The following ADGRL3 variants were observed in gnomAD, a reference collection of about 807,000 sequenced individuals.
ADGRL3 encodes the protein adhesion G protein-coupled receptor L3, also known as calcium-independent alpha-latrotoxin receptor 3.
ADGRL3 carries 62 observed loss-of-function variants against 153.5 expected under a neutral mutation model. The observed-to-expected ratio is 0.40, with a 90% CI of 0.33 to 0.50. The LOEUF (loss-of-function observed/expected upper bound fraction) is 0.50. Ranked by LOEUF, ADGRL3 falls within the 20% of genes least tolerant of loss-of-function variation. The pLI is 0.47. For missense variants in ADGRL3, 1,641 were observed against 1,859.4 expected (o/e 0.88, Z 2.16); for synonymous variants, 710 against 672.5 (o/e 1.06, Z -0.86).
intron 5 of ADGRL3, among the ~76,000 whole-genome samples, chr4:61,625,329 T>C (rs2092767337): frequency 6.6e-6 from 1 of 152,056 alleles, no homozygotes. Flanking sequence ...ACATAATTGG[T>C]AGTATTTATT....
chr4:62,015,196 C>T (rs369727118), intron 21 of ADGRL3, among the ~76,000 whole-genome samples: 2 of 152,142 alleles, frequency 1.3e-5, no homozygotes, highest in Non-Finnish European at 2.9e-5. Context: ...TGCTGGTTTT[C>T]TCCACTACAT....
intron 2 of ADGRL3, among the ~76,000 whole-genome samples, chr4:61,457,897 G>GATAGATAGATAT (rs1304091102): frequency 2.0e-5 from 3 of 151,178 alleles, no homozygotes; most frequent in Non-Finnish European, 4.4e-5. Context: ...TAGATAGATA[G>GATAGATAGATAT]ATAGATGCAG....
chr4:61,269,352 A>G (rs1243803366), intron 1 of ADGRL3, among the ~76,000 whole-genome samples: 2 of 151,618 alleles, frequency 1.3e-5, no homozygotes, highest in Non-Finnish European at 3.0e-5. Flanking sequence ...TTTGAGAACA[A>G]TAGGTCTGAT....
chr4:61,413,551 G>A (rs1468407918), intron 2 of ADGRL3, among the ~76,000 whole-genome samples: 1 of 152,076 alleles, frequency 6.6e-6, no homozygotes, highest in African/African-American at 2.4e-5. Flanking sequence ...TGTGGGTGTG[G>A]GTGAGGCTAA....
At chr4:61,390,596 A>C (rs1344237871) in intron 2 of ADGRL3, among the ~76,000 whole-genome samples, 4 of 152,202 alleles carry the variant, frequency 2.6e-5, no homozygotes, top group Admixed American at 6.5e-5. Context: ...ATTTAAAATT[A>C]GTTATTGTAA....
intron 2 of ADGRL3, chr4:61,428,320 G>A (rs1378607505): frequency 2.6e-5 from 4 of 152,206 alleles, no homozygotes; most frequent in African/African-American, 7.2e-5. Flanking sequence ...CATAACTGTG[G>A]TTATATAATG....
At chr4:61,954,716 A>G (rs966674108) in intron 17 of ADGRL3, among the ~76,000 whole-genome samples, 2 of 151,906 alleles carry the variant, frequency 1.3e-5, no homozygotes, top group Non-Finnish European at 1.5e-5. Flanking sequence ...TCTCTTCTCA[A>G]CACTCCCCAT....
intron 2 of ADGRL3, among the ~76,000 whole-genome samples, chr4:61,456,368 GATATATCTATATATAT>G (rs2097737714): frequency 3.5e-5 from 4 of 113,160 alleles, no homozygotes; most frequent in Admixed American, 8.8e-5. Context: ...TAGAGATATA[GATATATCTATATATAT>G]ATATAGATAT....
At chr4:61,768,266 G>A (rs1338078004) in intron 8 of ADGRL3, among the ~76,000 whole-genome samples, 1 of 152,100 alleles carries the variant, frequency 6.6e-6, no homozygotes, top group Non-Finnish European at 1.5e-5. Flanking sequence ...TGTGAGGAGG[G>A]GAGGCAATAA....
intron 5 of ADGRL3, among the ~76,000 whole-genome samples, chr4:61,622,883 T>C (rs1181593377): frequency 6.6e-6 from 1 of 152,118 alleles, no homozygotes; most frequent in Non-Finnish European, 1.5e-5. Flanking sequence ...CCAAGTTTAG[T>C]CATATCATAA....
chr4:61,833,198 A>G (rs143076323), intron 9 of ADGRL3, among the ~76,000 whole-genome samples: 301 of 152,276 alleles, frequency 2.0e-3, no homozygotes, highest in African/African-American at 7.0e-3. Flanking sequence ...TACTGGCTGC[A>G]TGGAAATTTT....
At chr4:61,645,765 T>G (rs1580058414) in intron 5 of ADGRL3, among the ~76,000 whole-genome samples, 2 of 152,148 alleles carry the variant, frequency 1.3e-5, no homozygotes, top group East Asian at 3.9e-4. Context: ...TTATGTGTCT[T>G]GGAGTTGCTC....
intron 8 of ADGRL3, among the ~76,000 whole-genome samples, chr4:61,753,744 G>A (rs1218117578): frequency 6.6e-6 from 1 of 152,086 alleles, no homozygotes; most frequent in Non-Finnish European, 1.5e-5. Context: ...TTCTATCAAA[G>A]TAAGACTAAT....
At chr4:61,416,501 C>T (rs10517534) in intron 2 of ADGRL3, among the ~76,000 whole-genome samples, 5,642 of 152,156 alleles carry the variant, frequency 0.037, 123 homozygotes, top group South Asian at 0.086. Context: ...GAACATTAAA[C>T]TCAGCTAGTA....
At chr4:61,687,653 G>T (rs1273348323) in intron 6 of ADGRL3, among the ~76,000 whole-genome samples, 1 of 151,882 alleles carries the variant, frequency 6.6e-6, no homozygotes, top group African/African-American at 2.4e-5. Context: ...TTAGCATTTA[G>T]TAAATTTTAT....
chr4:61,335,957 C>T (rs995091048), intron 1 of ADGRL3, among the ~76,000 whole-genome samples: 2 of 152,032 alleles, frequency 1.3e-5, no homozygotes, highest in Non-Finnish European at 1.5e-5. Context: ...GCTGTGCTCT[C>T]ATAATTTTCA....
At chr4:61,392,649 G>A (rs2096823285) in intron 2 of ADGRL3, among the ~76,000 whole-genome samples, 1 of 112,304 alleles carries the variant, frequency 8.9e-6, no homozygotes, top group South Asian at 3.2e-4. Context: ...TTGCGCCACT[G>A]CGCTCCAGCC....
chr4:62,007,771 T>C (rs1462527681), intron 21 of ADGRL3, among the ~76,000 whole-genome samples: 3 of 151,764 alleles, frequency 2.0e-5, no homozygotes, highest in Non-Finnish European at 2.9e-5. Context: ...TAGACAACCT[T>C]GGGAAAACGG....
At chr4:61,490,084 C>T (rs1377464255) in intron 2 of ADGRL3, among the ~76,000 whole-genome samples, 3 of 152,096 alleles carry the variant, frequency 2.0e-5, no homozygotes, top group Non-Finnish European at 2.9e-5. Flanking sequence ...TTCTGCAACA[C>T]GCTGCCTTTT....
Sources: allele counts gnomAD v4.1 joint callset (sites outside exome capture counted in the v4.1 genomes callset), GRCh38; gene constraint gnomAD v4.1.1; transcripts MANE v1.5; gene names NCBI Gene and HGNC (gene_info 2026-07-23, HGNC 2026-07-21).